MYL12B: variants seen among roughly 807,000 people sequenced by gnomAD.
MYL12B encodes myosin light chain 12B.
Under a neutral mutation model 12.9 loss-of-function variants are expected in MYL12B, and 3 were observed. The observed-to-expected ratio is 0.23, with a 90% CI of 0.11 to 0.60. MYL12B has a LOEUF of 0.60. Among genes scored for constraint, MYL12B ranks in the 20% least tolerant of loss-of-function variants. The pLI, the probability that MYL12B is intolerant of heterozygous loss-of-function variation, is 0.89. For missense variants in MYL12B, 120 were observed against 215.4 expected, an observed-to-expected ratio of 0.56 and a Z score of 2.77; for synonymous variants, 57 against 71.9, an observed-to-expected ratio of 0.79 and a Z score of 1.05.
Position 3,277,979 on chromosome 18 carries a change from TCTTTTA to T in MYL12B, c.*46_*51del, listed in dbSNP as rs1168738569. ...ATCTTCCAGTTACATTGTCTTACTCTCTTTTACTTCTCAGACACTTCCCCCACCCTC... is the reference window on the plus strand; with the variant it reads ...ATCTTCCAGTTACATTGTCTTACTCTCTTCTCAGACACTTCCCCCACCCTC... On this transcript the variant is annotated 3_prime_UTR_variant, in exon 4 of 4. Transcript: ENST00000237500. 5 of 1,591,084 alleles carry T rather than the reference TCTTTTA, an allele frequency of 3.1e-6. No individual in the cohort carries two copies. Among genetic ancestry groups the T allele is most frequent in the Admixed American group, 1.8e-5 (1 of 56,672 alleles).
chr18:3,264,659 ATGAT>A (rs1291793974), intron 1 of MYL12B, among the ~76,000 whole-genome samples: 1 of 152,260 alleles, frequency 6.6e-6, no homozygotes, highest in Non-Finnish European at 1.5e-5. Context: ...ACAGTGAACT[ATGAT>A]TGTGCCATAA....
At chr18:3,275,839 G>A (rs2081726198) in intron 2 of MYL12B, among the ~76,000 whole-genome samples, 2 of 152,124 alleles carry the variant, frequency 1.3e-5, no homozygotes, top group Admixed American at 1.3e-4. Flanking sequence ...GATCTTTTTA[G>A]CTACTTTAAC....
chr18:3,263,229 C>T (rs1368029621), intron 1 of MYL12B: 2 of 152,226 alleles, frequency 1.3e-5, no homozygotes, highest in Non-Finnish European at 2.9e-5. Context: ...GGAGTCTTCA[C>T]TAACGGAGTA....
rs2081683834 is a variant in MYL12B, at chr18:3,272,100, A to T, written c.-15-784A>T. On this transcript the variant is annotated intron_variant, in intron 1 of 3. Coordinates refer to ENST00000237500, the MANE Select transcript of MYL12B (RefSeq NM_033546.4). ...GGTATTCTGAAAGTCTTGTCAAGGG[A>T]AAAGGGAAATGCAGGGATAGCTAGA... 4 of 985,116 alleles carry T rather than the reference A, an allele frequency of 4.1e-6. No individual in the cohort carries two copies. The South Asian group carries it at 1.9e-4, about 46-fold the overall frequency. 61.0% of individuals were successfully genotyped at this position (985,116 alleles called of 1,614,324 possible).
At chr18:3,276,996 G>A in intron 2 of MYL12B, 1 of 982,154 alleles carries the variant, frequency 1.0e-6, no homozygotes. Flanking sequence ...TGTTTTTAAT[G>A]AAAAATAATG....
chr18:3,275,777 C>T (rs1020516089), intron 2 of MYL12B, among the ~76,000 whole-genome samples: 3 of 152,062 alleles, frequency 2.0e-5, no homozygotes, highest in Non-Finnish European at 4.4e-5. Context: ...GTTTTTCTTC[C>T]CCCCAAAAAA....
At position 3,276,919 on chromosome 18, in the gene MYL12B, C is replaced by CA. The variant is rs10706387; in HGVS notation, c.185-313dup. On this transcript the variant is annotated intron_variant, in intron 2 of 3. Coordinates refer to ENST00000237500, the MANE Select transcript of MYL12B (RefSeq NM_033546.4). ...GGCATGGTGGCACATGCCTATAGTC[C>CA]AAAAAAAAAAAAAAAAAAAAATTAA... 2,240 of 850,196 alleles carry CA rather than the reference C, an allele frequency of 2.6e-3. 3 individuals are homozygous for CA. Among genetic ancestry groups the CA allele is most frequent in the Admixed American group, 0.016 (177 of 11,088 alleles). The allele number at this position is 850,196 out of a possible 1,614,324, so 52.7% of individuals were successfully genotyped here. A position where few individuals can be genotyped will look rare whatever the true frequency, so the allele number is the denominator to read the frequency against.
chr18:3,264,475 G>C (rs763036073), intron 1 of MYL12B, among the ~76,000 whole-genome samples: 17 of 152,052 alleles, frequency 1.1e-4, no homozygotes, highest in Non-Finnish European at 2.1e-4. Flanking sequence ...AAGCCAATGT[G>C]GGGGGATCAT....
chr18:3,272,777 T>C, intron 1 of MYL12B, 107 bp from the exon 2 acceptor site: 1 of 1,011,422 alleles, frequency 9.9e-7, no homozygotes, highest in East Asian at 2.7e-5. Context: ...AAGTAATAAT[T>C]CCTTATTGAT....
intron 1 of MYL12B, among the ~76,000 whole-genome samples, chr18:3,264,395 G>A (rs2081620689): frequency 6.6e-6 from 1 of 152,186 alleles, no homozygotes; most frequent in African/African-American, 2.4e-5. Context: ...AGGTGGAAAG[G>A]CAAAAGGCAA....
At chr18:3,263,884 T>A (rs1340216736) in intron 1 of MYL12B, among the ~76,000 whole-genome samples, 1 of 152,226 alleles carries the variant, frequency 6.6e-6, no homozygotes, top group Non-Finnish European at 1.5e-5. Context: ...GTACAGATCC[T>A]GACTGAGCTC....
Position 3,273,091 on chromosome 18 carries a change from T to C in MYL12B, c.184+9T>C. 4 of 1,557,904 alleles carry C rather than the reference T, an allele frequency of 2.6e-6. No individual in the cohort carries two copies. Among genetic ancestry groups the C allele is most frequent in the African/African-American group, 1.4e-5 (1 of 72,686 alleles). On this transcript the variant is annotated intron_variant, in intron 2 of 3. Coordinates refer to ENST00000237500, the MANE Select transcript of MYL12B (RefSeq NM_033546.4). ...TATGCTTGCTTCTCTAGGTAGACTT[T>C]ATATTCTTTATTTGTATTTTCCCTA...
chr18:3,265,029 C>T (rs1373290549), intron 1 of MYL12B, among the ~76,000 whole-genome samples: 3 of 152,024 alleles, frequency 2.0e-5, no homozygotes, highest in Non-Finnish European at 4.4e-5. Context: ...GATCATAAAA[C>T]CTATAATAGA....
chr18:3,267,010 C>CT (rs1427212274), intron 1 of MYL12B, among the ~76,000 whole-genome samples: 3 of 152,166 alleles, frequency 2.0e-5, no homozygotes, highest in African/African-American at 7.2e-5. Context: ...CATTGAAAAA[C>CT]TAAGGGGAAC....
At chr18:3,265,305 C>T (rs1003338842) in intron 1 of MYL12B, among the ~76,000 whole-genome samples, 5 of 152,108 alleles carry the variant, frequency 3.3e-5, no homozygotes, top group Non-Finnish European at 5.9e-5. Context: ...CTGCTGTTTT[C>T]GGACTGTTGC....
intron 1 of MYL12B, among the ~76,000 whole-genome samples, chr18:3,270,628 T>A (rs966686219): frequency 6.6e-6 from 1 of 151,230 alleles, no homozygotes; most frequent in African/African-American, 2.4e-5. Context: ...TATTTTTGGG[T>A]TAACTGTAGA....
rs1321806966 is a variant in MYL12B at position 3,278,066 on chromosome 18, A to G, written c.*129A>G. The G allele has an allele frequency of 1.1e-5, 13 of 1,196,330 alleles. No individual in the cohort carries two copies. The highest frequency in any genetic ancestry group is 1.5e-5 in the Non-Finnish European group (13 of 864,662). 74.1% of individuals were successfully genotyped at this position (1,196,330 alleles called of 1,614,324 possible). On this transcript the variant is annotated 3_prime_UTR_variant, in exon 4 of 4. Transcript: ENST00000237500. ...CAGCTTTGCCTCTTCTTTTTGATGTATTTATTCCAGACCTTTCTGCCACTT... is the reference window on the plus strand; with the variant it reads ...CAGCTTTGCCTCTTCTTTTTGATGTGTTTATTCCAGACCTTTCTGCCACTT...
chr18:3,262,953 C>T (rs1301033210), intron 1 of MYL12B: 2 of 152,226 alleles, frequency 1.3e-5, no homozygotes, highest in African/African-American at 4.8e-5. Flanking sequence ...GAGTCGTGAC[C>T]TCACTGAAGG....
intron 2 of MYL12B, among the ~76,000 whole-genome samples, chr18:3,275,662 A>G (rs1035456319): frequency 2.0e-5 from 3 of 152,228 alleles, no homozygotes; most frequent in South Asian, 4.1e-4. Flanking sequence ...AACAGATTAC[A>G]TTGGATGTCT....
Sources: gnomAD v4.1 joint callset for allele counts (sites outside exome capture counted in the v4.1 genomes callset) on GRCh38, gnomAD v4.1.1 for gene constraint, MANE v1.5 for transcripts, NCBI Gene and HGNC (gene_info 2026-07-23, HGNC 2026-07-21) for gene names.